TEAD1: variants seen among roughly 807,000 people sequenced by gnomAD.
The protein encoded by TEAD1 is transcriptional enhancer factor TEF-1.
In TEAD1, 9 loss-of-function variants were observed where a neutral mutation model predicts 54.9. The observed-to-expected ratio is 0.16, with a 90% CI of 0.10 to 0.29. The LOEUF (loss-of-function observed/expected upper bound fraction) is 0.29. Ranked by LOEUF, TEAD1 falls within the 10% of genes least tolerant of loss-of-function variation. TEAD1 has a pLI of 1.00. For synonymous variants in TEAD1, 200 were observed against 187.8 expected, an observed-to-expected ratio of 1.07 and a Z score of -0.53; for missense variants, 387 against 535.9, an observed-to-expected ratio of 0.72 and a Z score of 2.74.
chr11:12,717,769 G>A (rs1173203261), intron 2 of TEAD1, among the ~76,000 whole-genome samples: 2 of 152,172 alleles, frequency 1.3e-5, no homozygotes, highest in Non-Finnish European at 2.9e-5. Flanking sequence ...TAGTCCTCAG[G>A]TGAGGTAGCA....
At chr11:12,856,595 C>T (rs7106148) in intron 3 of TEAD1, among the ~76,000 whole-genome samples, 55,682 of 151,780 alleles carry the variant, frequency 0.37, 12,106 homozygotes, top group African/African-American at 0.61. Flanking sequence ...CTGGGCTGAG[C>T]GGGGTGGGGG....
chr11:12,813,995 G>GT (rs896091620), intron 3 of TEAD1, among the ~76,000 whole-genome samples: 1 of 152,180 alleles, frequency 6.6e-6, no homozygotes, highest in Non-Finnish European at 1.5e-5. Flanking sequence ...CAAGGAGGAT[G>GT]TTTCTTTCCC....
At chr11:12,729,581 C>T (rs1944379534) in intron 2 of TEAD1, among the ~76,000 whole-genome samples, 1 of 152,164 alleles carries the variant, frequency 6.6e-6, no homozygotes, top group Admixed American at 6.5e-5. Context: ...AATCAAGACT[C>T]ATCCTTATAA....
chr11:12,929,347 G>A (rs73411221), intron 11 of TEAD1, among the ~76,000 whole-genome samples: 2,296 of 151,560 alleles, frequency 0.015, 49 homozygotes, highest in African/African-American at 0.053. Context: ...AATTCTGTCT[G>A]CATTTTAAAT....
rs186649308 is a variant in TEAD1, at chr11:12,806,612, A to T, written c.202+42178A>T. 2.2e-3 allele frequency among the ~76,000 whole-genome samples: 338 copies of T among 152,330 alleles called. 3 individuals carry two copies. Among genetic ancestry groups the T allele is most frequent in the Non-Finnish European group, 2.3e-3 (155 of 68,026 alleles). On this transcript the variant is annotated intron_variant, in intron 3 of 12. Coordinates refer to ENST00000527636, the MANE Select transcript of TEAD1 (RefSeq NM_021961.6). ...AGTTGGGCCCTCTGGCCGAGGTCTAAGGACTGTACAGAATATGGATAAAAG... is the reference window on the plus strand; with the variant it reads ...AGTTGGGCCCTCTGGCCGAGGTCTATGGACTGTACAGAATATGGATAAAAG...
chr11:12,923,773 C>CT (rs1438339754), intron 10 of TEAD1, among the ~76,000 whole-genome samples: 1 of 152,214 alleles, frequency 6.6e-6, no homozygotes, highest in Non-Finnish European at 1.5e-5. Flanking sequence ...GAAAGCCCTA[C>CT]TTATAGCAGC....
At chr11:12,915,664 A>G (rs898839168) in intron 10 of TEAD1, among the ~76,000 whole-genome samples, 2 of 152,232 alleles carry the variant, frequency 1.3e-5, no homozygotes, top group Non-Finnish European at 2.9e-5. Context: ...CCTGGCCAAC[A>G]TAGTGAAACC....
chr11:12,862,358 CA>C (rs145653195), intron 4 of TEAD1, 44 bp downstream of exon 4: 1 of 1,588,734 alleles, frequency 6.3e-7, no homozygotes, highest in East Asian at 2.2e-5. Flanking sequence ...GCGAATGGCC[CA>C]AAAAGGCATT....
chr11:12,898,895 A>G (rs16911736), intron 9 of TEAD1, among the ~76,000 whole-genome samples: 21,346 of 152,190 alleles, frequency 0.14, 1,743 homozygotes, highest in South Asian at 0.23. Context: ...CTGTACCTTC[A>G]TGGTCCCCAT....
At chr11:12,883,211 T>C in intron 9 of TEAD1, 86 bp downstream of exon 9, 1 of 1,595,924 alleles carries the variant, frequency 6.3e-7, no homozygotes, top group South Asian at 1.1e-5. Context: ...CTTTCCTCCT[T>C]TACCCCGCCC....
chr11:12,920,718 T>G (rs1407865201), intron 10 of TEAD1, among the ~76,000 whole-genome samples: 1 of 152,242 alleles, frequency 6.6e-6, no homozygotes, highest in African/African-American at 2.4e-5. Flanking sequence ...TAGCTTACAG[T>G]GTATTCATAG....
At chr11:12,895,771 T>G (rs1034095224) in intron 9 of TEAD1, among the ~76,000 whole-genome samples, 1 of 152,234 alleles carries the variant, frequency 6.6e-6, no homozygotes, top group Admixed American at 6.5e-5. Flanking sequence ...TGGGGACCAT[T>G]GCTTGCAGCC....
intron 2 of TEAD1, among the ~76,000 whole-genome samples, chr11:12,733,308 A>G (rs1396745042): frequency 6.6e-6 from 1 of 152,228 alleles, no homozygotes; most frequent in Non-Finnish European, 1.5e-5. Flanking sequence ...GTTCAAGAGC[A>G]GGAGCCTGAG....
intron 3 of TEAD1, among the ~76,000 whole-genome samples, chr11:12,862,006 T>TTA (rs1491349705): frequency 5.2e-5 from 7 of 133,686 alleles, no homozygotes; most frequent in African/African-American, 2.0e-4. Context: ...TTTTTTTTTT[T>TTA]AAAAAAAAGG....
At chr11:12,745,394 A>G (rs547747880) in intron 2 of TEAD1, among the ~76,000 whole-genome samples, 1 of 152,240 alleles carries the variant, frequency 6.6e-6, no homozygotes, top group African/African-American at 2.4e-5. Context: ...GAATTTCACT[A>G]CTTATTCGGT....
intron 3 of TEAD1, among the ~76,000 whole-genome samples, chr11:12,827,040 G>A (rs1946672035): frequency 6.6e-6 from 1 of 152,208 alleles, no homozygotes; most frequent in African/African-American, 2.4e-5. Context: ...ACCTCTGGGT[G>A]CTGGAGAGAT....
At chr11:12,768,278 A>C (rs1363247915) in intron 3 of TEAD1, among the ~76,000 whole-genome samples, 13 of 152,222 alleles carry the variant, frequency 8.5e-5, no homozygotes, top group Non-Finnish European at 1.8e-4. Flanking sequence ...GATTAGATAG[A>C]TCTTACTGTG....
intron 2 of TEAD1, among the ~76,000 whole-genome samples, chr11:12,711,740 G>A (rs1460129035): frequency 1.3e-5 from 2 of 152,202 alleles, no homozygotes; most frequent in Admixed American, 6.5e-5. Context: ...GCAAGGTAAC[G>A]TGGAAGGTGA....
chr11:12,775,106 G>T (rs1013177039), intron 3 of TEAD1, among the ~76,000 whole-genome samples: 13 of 152,178 alleles, frequency 8.5e-5, no homozygotes, highest in African/African-American at 3.1e-4. Flanking sequence ...GGAAAAGTAG[G>T]AAAGAACACT....
Sources: gnomAD v4.1 joint callset for allele counts (sites outside exome capture counted in the v4.1 genomes callset) on GRCh38, gnomAD v4.1.1 for gene constraint, MANE v1.5 for transcripts, NCBI Gene and HGNC (gene_info 2026-07-23, HGNC 2026-07-21) for gene names.